The following ELMO3 variants were observed in gnomAD, a reference collection of about 807,000 sequenced individuals.
ELMO3 encodes the protein engulfment and cell motility protein 3.
A neutral mutation model predicts 89.0 loss-of-function variants in ELMO3; 81 were observed. The observed-to-expected ratio is 0.91, with a 90% CI of 0.76 to 1.09. The LOEUF (loss-of-function observed/expected upper bound fraction) is 1.09. Among genes scored for constraint, ELMO3 ranks in the 50% least tolerant of loss-of-function variants. The pLI is 0.00. For synonymous variants in ELMO3, 406 were observed against 400.6 expected, an observed-to-expected ratio of 1.01 and a Z score of -0.16; for missense variants, 959 against 972.8, an observed-to-expected ratio of 0.99 and a Z score of 0.19.
In ELMO3 at chr16:67,200,641, C is replaced by A. The variant is rs747873676; in HGVS notation, c.514-16C>A. 5.0e-6 allele frequency: 8 copies of A among 1,610,534 alleles called. No homozygotes were observed. In the African/African-American group the frequency reaches 9.4e-5, roughly 19 times the overall value. On this transcript the variant is annotated splice_polypyrimidine_tract_variant and intron_variant, in intron 6 of 19. Transcript: ENST00000393997. The stretch of plus-strand genomic sequence containing the variant: ...CTTCCATGGGGGTGAGGTGGTGACA[C>A]CCCCGCCCCTTACAGGTGGTGTGCT...
Position 67,202,017 on chromosome 16 carries a change from G to C in ELMO3, c.1091G>C (p.Gly364Ala). 6.2e-7 allele frequency: 1 copy of C among 1,612,950 alleles called. No homozygotes were observed. Among genetic ancestry groups the C allele is most frequent in the Non-Finnish European group, 8.5e-7 (1 of 1,179,844 alleles). The change falls in exon 12 of 20, where the codon GGT becomes GCT. Residue 364 changes from glycine to alanine, a missense_variant. Physicochemically the swap from Gly to Ala is moderately conservative, Grantham distance 60. Coordinates refer to ENST00000393997, the MANE Select transcript of ELMO3 (RefSeq NM_024712.5). ...CAGGACCTGGAGCGCGTGCCCCCCG[G>C]TCTGCTGGCCCTGGACAACATGTTG... ...PAQDLERVPPGLLALDNMLYF... is the reference protein window; with the variant it reads ...PAQDLERVPPALLALDNMLYF...
At chr16:67,202,154 G>T (rs2033129946) in intron 12 of ELMO3, 22 bp from the exon 13 acceptor site, 1 of 1,600,276 alleles carries the variant, frequency 6.2e-7, no homozygotes, top group African/African-American at 1.3e-5. Flanking sequence ...GTGACTCCTT[G>T]CCCCATTCTC....
rs1487086303 is a variant in ELMO3 at position 67,201,887 on chromosome 16, C to T, written c.1050+14C>T. ...CTGGGCTTTTCTGTGAGTATCACCC[C>T]TACCCAACTCCCCACCCCTGCCTCA... On this transcript the variant is annotated intron_variant, in intron 11 of 19. Transcript: ENST00000393997. The T allele has an allele frequency of 6.2e-7, 1 of 1,603,472 alleles. No individual in the cohort carries two copies. Among genetic ancestry groups the T allele is most frequent in the African/African-American group, 1.3e-5 (1 of 74,856 alleles).
chr16:67,202,441 G>T lies in ELMO3; in HGVS notation c.1306G>T (p.Asp436Tyr), dbSNP rs766859271. ...CTTCTCACCCATGTTCTTCGGCCAA[G>T]ACCAGAGCTTCCACGAGCTCTTCTG... ...QDFSPMFFGQ[D>Y]QSFHELFCVG... Residue 436 changes from aspartate to tyrosine, a missense_variant, in exon 14 of 20, where the codon GAC becomes TAC. By Grantham distance (160) the Asp-to-Tyr change is radical (BLOSUM62 -3). Coordinates refer to ENST00000393997, the MANE Select transcript of ELMO3 (RefSeq NM_024712.5). 15 of 1,613,730 alleles carry T rather than the reference G, an allele frequency of 9.3e-6. No homozygotes were observed. Among genetic ancestry groups the T allele is most frequent in the Non-Finnish European group, 1.3e-5 (15 of 1,180,040 alleles).
At position 67,199,355 on chromosome 16, in the gene ELMO3, T is replaced by C. The variant is rs751503222; in HGVS notation, c.29T>C (p.Ile10Thr). 3.7e-6 allele frequency: 6 copies of C among 1,610,676 alleles called. No individual in the cohort carries two copies. Among genetic ancestry groups the C allele is most frequent in the Non-Finnish European group, 5.1e-6 (6 of 1,179,220 alleles). Reference protein sequence around the residue: MAPPRNVVKIAIKMRDAIPQ... With the variant: MAPPRNVVKTAIKMRDAIPQ... Reference sequence around the variant, plus strand: ...GCGCCTCCGCGGAACGTGGTGAAGATTGCCATCAAGATGCGTGACGCCATC... The same window carrying C: ...GCGCCTCCGCGGAACGTGGTGAAGACTGCCATCAAGATGCGTGACGCCATC... Residue 10 changes from isoleucine (I) to threonine (T), a missense_variant, in exon 1 of 20, where the codon ATT becomes ACT. Physicochemically the swap from Ile to Thr is moderately conservative, Grantham distance 89 (BLOSUM62 -1). Coordinates refer to ENST00000393997, the MANE Select transcript of ELMO3 (RefSeq NM_024712.5).
chr16:67,200,658 T>C lies in ELMO3; in HGVS notation c.515T>C (p.Val172Ala), dbSNP rs764729081. Reference protein sequence around the residue: ...ETLSIPFVRKVVCYVNMNLMD... With the variant: ...ETLSIPFVRKAVCYVNMNLMD... ...TGGTGACACCCCCGCCCCTTACAGG[T>C]GGTGTGCTACGTGAACATGAACCTC... The change falls in exon 7 of 20, where the codon GTG becomes GCG. Residue 172 changes from valine (V) to alanine (A), a missense_variant and splice_region_variant. Coordinates refer to ENST00000393997, the MANE Select transcript of ELMO3 (RefSeq NM_024712.5). The C allele has an allele frequency of 6.8e-6, 11 of 1,612,110 alleles. No individual in the cohort carries two copies. Among genetic ancestry groups the C allele is most frequent in the African/African-American group, 1.3e-5 (1 of 74,820 alleles).
intron 4 of ELMO3, 87 bp downstream of exon 4, chr16:67,200,088 C>T: frequency 6.4e-7 from 1 of 1,568,682 alleles, no homozygotes; most frequent in Non-Finnish European, 8.6e-7. Context: ...CCCGCCCCAG[C>T]CCTGCCTTGC....
At position 67,200,234 on chromosome 16, in the gene ELMO3, A is replaced by T. The variant is rs1479928762; in HGVS notation, c.286A>T (p.Ser96Cys). Residue 96 changes from serine (S) to cysteine (C), a missense_variant, in exon 5 of 20, where the codon AGT becomes TGT. By Grantham distance (112) the Ser-to-Cys change is moderately radical. Transcript: ENST00000393997. ...GCTCTTGGGTGGGCTGCAGAGTAAC[A>T]GTCCTGAAGGGCGCCGGGAAGCCCT... ...EQLLGGLQSNSPEGRREALRR... is the reference protein window; with the variant it reads ...EQLLGGLQSNCPEGRREALRR... 12 of 1,613,526 alleles carry T rather than the reference A, an allele frequency of 7.4e-6. 1 individual carries two copies. The South Asian group carries it at 1.3e-4, about 18-fold the overall frequency.
In ELMO3 at chr16:67,203,877, A is replaced by G; in HGVS notation, c.2163A>G (p.Ter721TrpextTer21). ...ATGACTGCAGCATCGCTGAACCTTG[A>G]CAGTGTGGCTGGCCATGGGCCACAG... ...FCYDCSIAEP[*>W] Residue 721 changes from the stop codon to tryptophan, a stop_lost, in exon 20 of 20, where the codon TGA (stop) becomes TGG (tryptophan). Coordinates refer to ENST00000393997, the MANE Select transcript of ELMO3 (RefSeq NM_024712.5). This position sits in a 1 kb window ranked among gnomAD's most constrained non-coding sequence, Gnocchi z 4.6. 6.4e-7 allele frequency: 1 copy of G among 1,561,634 alleles called. No homozygotes were observed. Among genetic ancestry groups the G allele is most frequent in the Non-Finnish European group, 8.7e-7 (1 of 1,152,290 alleles).
At chr16:67,201,206 C>T (rs1387741588) in intron 8 of ELMO3, among the ~76,000 whole-genome samples, 179 bp from the exon 9 acceptor site, 1 of 147,692 alleles carries the variant, frequency 6.8e-6, no homozygotes, top group Non-Finnish European at 1.5e-5. Flanking sequence ...CCACCACGCC[C>T]AGCTGATTTT....
At position 67,200,564 on chromosome 16, in the gene ELMO3, C is replaced by A; in HGVS notation, c.513+14C>A. On this transcript the variant is annotated intron_variant, in intron 6 of 19. Coordinates refer to ENST00000393997, the MANE Select transcript of ELMO3 (RefSeq NM_024712.5). ...TTTGTGAGGAAGGTGGGTGGGCTTTCCTAGGGCAGCGGGTGGGGGCAGTGG... is the reference window on the plus strand; with the variant it reads ...TTTGTGAGGAAGGTGGGTGGGCTTTACTAGGGCAGCGGGTGGGGGCAGTGG... The A allele has an allele frequency of 4.3e-6, 7 of 1,613,410 alleles. No individual in the cohort carries two copies. The highest frequency in any genetic ancestry group is 3.4e-6 in the Non-Finnish European group (4 of 1,179,820).
In ELMO3 at chr16:67,202,041, T is replaced by C. The variant is rs2033126509; in HGVS notation, c.1115T>C (p.Leu372Ser). Reference protein sequence around the residue: ...PPGLLALDNMLYFSRNAPSAY... With the variant: ...PPGLLALDNMSYFSRNAPSAY... ...GGTCTGCTGGCCCTGGACAACATGTTGTACTTCTCCAGAAACGCGCCCAGC... is the reference window on the plus strand; with the variant it reads ...GGTCTGCTGGCCCTGGACAACATGTCGTACTTCTCCAGAAACGCGCCCAGC... The change falls in exon 12 of 20, where the codon TTG becomes TCG. Residue 372 changes from leucine (L) to serine (S), a missense_variant. Leu to Ser is a moderately radical substitution (Grantham distance 145). Transcript: ENST00000393997. 2 of 1,613,114 alleles carry C rather than the reference T, an allele frequency of 1.2e-6. No individual in the cohort carries two copies. The highest frequency in any genetic ancestry group is 1.7e-6 in the Non-Finnish European group (2 of 1,179,962).
chr16:67,202,113 T>C, intron 12 of ELMO3, 35 bp downstream of exon 12: 1 of 1,609,550 alleles, frequency 6.2e-7, no homozygotes, highest in African/African-American at 1.3e-5. Context: ...GGTGGCAGCA[T>C]CCCCCAGGCA....
At chr16:67,199,918 T>A (rs754997179) in intron 3 of ELMO3, 33 bp from the exon 4 acceptor site, 1 of 1,613,856 alleles carries the variant, frequency 6.2e-7, no homozygotes, top group South Asian at 1.1e-5. Context: ...GAGCCCTCCC[T>A]GACCTCGCTG....
At chr16:67,199,909 AGC>A (rs1567690713) in intron 3 of ELMO3, 40 bp from the exon 4 acceptor site, 1 of 1,613,600 alleles carries the variant, frequency 6.2e-7, no homozygotes, top group Admixed American at 1.7e-5. Context: ...CAGTCCTCGG[AGC>A]CCTCCCTGAC....
intron 6 of ELMO3, 29 bp downstream of exon 6, chr16:67,200,579 G>T (rs1263598686): frequency 6.8e-6 from 11 of 1,613,110 alleles, no homozygotes; most frequent in Non-Finnish European, 7.6e-6. Flanking sequence ...GGCAGCGGGT[G>T]GGGGCAGTGG....
In ELMO3 at chr16:67,199,349, T is replaced by C. The variant is rs916974467; in HGVS notation, c.23T>C (p.Val8Ala). The change falls in exon 1 of 20, where the codon GTG becomes GCG. Residue 8 changes from valine to alanine, a missense_variant. By Grantham distance (64) the Val-to-Ala change is moderately conservative (BLOSUM62 0). Transcript: ENST00000393997. MAPPRNVVKIAIKMRDAI... is the reference protein window; with the variant it reads MAPPRNVAKIAIKMRDAI... ...ACCATGGCGCCTCCGCGGAACGTGGTGAAGATTGCCATCAAGATGCGTGAC... is the reference window on the plus strand; with the variant it reads ...ACCATGGCGCCTCCGCGGAACGTGGCGAAGATTGCCATCAAGATGCGTGAC... The C allele has an allele frequency of 5.0e-6, 8 of 1,610,702 alleles. No homozygotes were observed. The African/African-American group carries it at 1.1e-4, about 22-fold the overall frequency.
chr16:67,202,576 G>T (rs1252289247), intron 14 of ELMO3, 43 bp downstream of exon 14: 7 of 1,612,796 alleles, frequency 4.3e-6, no homozygotes, highest in Middle Eastern at 3.3e-4. Context: ...AGGGCAGGGG[G>T]CTGATCTGGG....
chr16:67,201,108 C>T (rs1391308429), intron 8 of ELMO3, 140 bp downstream of exon 8: 27 of 1,010,634 alleles, frequency 2.7e-5, no homozygotes, highest in Non-Finnish European at 3.5e-5. Context: ...TGCAGTGGTG[C>T]GATCTTGGCT....
Sources: gnomAD v4.1 joint callset for allele counts (sites outside exome capture counted in the v4.1 genomes callset) on GRCh38, gnomAD v4.1.1 for gene constraint, Gnocchi (gnomAD v3.1) non-coding constraint, MANE v1.5 for transcripts, NCBI Gene and HGNC (gene_info 2026-07-23, HGNC 2026-07-21) for gene names.